FRMPD4: variants seen among roughly 807,000 people sequenced by gnomAD.
FRMPD4 encodes the protein FERM and PDZ domain containing 4.
Under a neutral mutation model 94.1 loss-of-function variants are expected in FRMPD4, and 22 were observed. The ratio of observed to expected loss-of-function variants is 0.23; its 90% confidence interval spans 0.17 to 0.33. The LOEUF (loss-of-function observed/expected upper bound fraction) is 0.33. FRMPD4 is among the 10% of genes least tolerant of loss of function. The probability of loss-of-function intolerance (pLI) is 1.00; values close to 1 mark genes in which losing one functional copy is unlikely to be tolerated. For missense variants in FRMPD4, 1,111 were observed against 1,339.9 expected, an observed-to-expected ratio of 0.83 and a Z score of 2.67; for synonymous variants, 631 against 548.6, an observed-to-expected ratio of 1.15 and a Z score of -2.10.
At chrX:12,033,158 A>G (rs1163035484) in intron 3 of FRMPD4, among the ~76,000 whole-genome samples, 1 of 111,714 alleles carries the variant, frequency 9.0e-6, no homozygotes, top group Non-Finnish European at 1.9e-5. Flanking sequence ...GTTAGGGTTA[A>G]GATTAGGCTA....
At chrX:11,826,430 G>A (rs2053443682) in intron 1 of FRMPD4, among the ~76,000 whole-genome samples, 1 of 111,507 alleles carries the variant, frequency 9.0e-6, no homozygotes, top group Non-Finnish European at 1.9e-5. Context: ...TAAAGGAGGA[G>A]GATAGGAGGG....
At chrX:11,899,473 A>G (rs1235313654) in intron 3 of FRMPD4, among the ~76,000 whole-genome samples, 1 of 108,277 alleles carries the variant, frequency 9.2e-6, no homozygotes, top group African/African-American at 3.4e-5. Context: ...TTGTTACCCC[A>G]GTGACATCTT....
intron 3 of FRMPD4, among the ~76,000 whole-genome samples, chrX:11,964,234 A>G (rs1402894370): frequency 2.7e-5 from 3 of 109,660 alleles, no homozygotes; most frequent in African/African-American, 1.0e-4. Flanking sequence ...ATCTCGGCTC[A>G]CTGCAAGTTC....
At chrX:12,688,675 G>A (rs2060051617) in intron 7 of FRMPD4, among the ~76,000 whole-genome samples, 1 of 110,656 alleles carries the variant, frequency 9.0e-6, no homozygotes, top group Admixed American at 9.6e-5. Flanking sequence ...TAAAGTATTT[G>A]TTGCCACACA....
chrX:12,541,696 T>A (rs1342728424), intron 2 of FRMPD4, among the ~76,000 whole-genome samples: 1 of 112,092 alleles, frequency 8.9e-6, no homozygotes, highest in Non-Finnish European at 1.9e-5. Context: ...TCTGAAACTA[T>A]TCCAATCAAT....
At chrX:12,362,178 CT>C (rs397716275) in intron 1 of FRMPD4, among the ~76,000 whole-genome samples, 13 of 100,170 alleles carry the variant, frequency 1.3e-4, no homozygotes, top group East Asian at 9.3e-4. Flanking sequence ...ACTGACGATT[CT>C]TTTTTTTTTT....
chrX:12,122,330 G>A (rs995314138), intron 3 of FRMPD4, among the ~76,000 whole-genome samples: 4 of 112,141 alleles, frequency 3.6e-5, no homozygotes, highest in Admixed American at 9.4e-5. Context: ...TAAGTGGGTC[G>A]GTGAGGGCTC....
intron 1 of FRMPD4, among the ~76,000 whole-genome samples, chrX:11,848,617 G>C (rs1476893102): frequency 9.2e-6 from 1 of 108,874 alleles, no homozygotes; most frequent in Non-Finnish European, 1.9e-5. Context: ...TCTCTGCTGT[G>C]CATGTGCAGA....
chrX:12,479,204 T>C (rs1301635714), intron 1 of FRMPD4, among the ~76,000 whole-genome samples: 1 of 109,058 alleles, frequency 9.2e-6, no homozygotes, highest in African/African-American at 3.3e-5. Flanking sequence ...AAAGTATATT[T>C]ATATGAAGGA....
intron 3 of FRMPD4, among the ~76,000 whole-genome samples, chrX:12,110,303 A>T (rs2055346020): frequency 8.9e-6 from 1 of 112,463 alleles, no homozygotes; most frequent in South Asian, 3.7e-4. Context: ...ATATAAACAG[A>T]ACCAAAGACA....
At chrX:12,069,471 C>T (rs1364576779) in intron 3 of FRMPD4, among the ~76,000 whole-genome samples, 1 of 111,937 alleles carries the variant, frequency 8.9e-6, no homozygotes, top group Non-Finnish European at 1.9e-5. Flanking sequence ...TCAGTTGCCA[C>T]AGCAGAGGTG....
Position 12,723,168 on chromosome X carries a change from G to A in FRMPD4, c.*1310G>A, listed in dbSNP as rs2042271016. On this transcript the variant is annotated 3_prime_UTR_variant, in exon 17 of 17. Transcript: ENST00000675598. ...GAAGTGGTATATTTGACCAGTTCAA[G>A]TGAAACCAATGGAATGCAAAGAACT... is the stretch of plus-strand genomic sequence containing the variant. The A allele has an allele frequency of 9.0e-6, 1 of 111,171 alleles. No individual in the cohort carries two copies. The highest frequency in any genetic ancestry group is 3.8e-4 in the South Asian group (1 of 2,641). The allele number at this position is 111,171 out of a possible 1,213,427, so 9.2% of individuals were successfully genotyped here.
At chrX:12,580,737 G>A (rs1443663010) in intron 2 of FRMPD4, among the ~76,000 whole-genome samples, 6 of 111,275 alleles carry the variant, frequency 5.4e-5, no homozygotes, top group Non-Finnish European at 7.5e-5. Context: ...TGCCTCTGAT[G>A]CTCCTGGATT....
chrX:12,086,452 CA>C (rs1187743100), intron 3 of FRMPD4, among the ~76,000 whole-genome samples: 3 of 111,443 alleles, frequency 2.7e-5, no homozygotes, highest in African/African-American at 9.8e-5. Context: ...TTTATAATTC[CA>C]AAAAAAGTTT....
At chrX:12,092,707 C>T (rs752062417) in intron 3 of FRMPD4, among the ~76,000 whole-genome samples, 5 of 111,700 alleles carry the variant, frequency 4.5e-5, no homozygotes, top group African/African-American at 1.6e-4. Flanking sequence ...GTTCATTCAT[C>T]CAACGAACAT....
intron 1 of FRMPD4, among the ~76,000 whole-genome samples, chrX:12,311,598 G>A (rs1451679806): frequency 9.1e-6 from 1 of 109,390 alleles, no homozygotes; most frequent in African/African-American, 3.3e-5. Context: ...CTCTGTTGGT[G>A]GTCAACTATT....
intron 1 of FRMPD4, among the ~76,000 whole-genome samples, chrX:12,359,472 CTTT>C (rs34380413): frequency 4.1e-5 from 4 of 98,033 alleles, no homozygotes; most frequent in African/African-American, 1.5e-4. Context: ...TTTCTTTTTT[CTTT>C]TTTTTTTTTT....
At chrX:12,195,645 G>A (rs1317915744) in intron 1 of FRMPD4, among the ~76,000 whole-genome samples, 1 of 111,745 alleles carries the variant, frequency 8.9e-6, no homozygotes, top group Non-Finnish European at 1.9e-5. Flanking sequence ...AAGGAAAGCA[G>A]GTGTTTAGTG....
At chrX:12,312,938 C>CA (rs759400121) in intron 1 of FRMPD4, among the ~76,000 whole-genome samples, 2 of 110,995 alleles carry the variant, frequency 1.8e-5, no homozygotes, top group African/African-American at 3.3e-5. Flanking sequence ...GGAGGGAGCC[C>CA]AGTGCCTTGG....
Sources: allele counts gnomAD v4.1 joint callset (sites outside exome capture counted in the v4.1 genomes callset), GRCh38; gene constraint gnomAD v4.1.1; transcripts MANE v1.5; gene names NCBI Gene and HGNC (gene_info 2026-07-23, HGNC 2026-07-21).